BTRC: variants seen among roughly 807,000 people sequenced by gnomAD.
BTRC encodes the protein F-box/WD repeat-containing protein 1A.
A neutral mutation model predicts 85.5 loss-of-function variants in BTRC; 42 were observed. The ratio of observed to expected loss-of-function variants is 0.49; its 90% CI spans 0.38 to 0.64. The LOEUF is 0.64. BTRC is among the 30% of genes least tolerant of loss of function. The pLI is 0.00. For missense variants in BTRC, 594 were observed against 743.5 expected, an observed-to-expected ratio of 0.80 and a Z score of 2.34; for synonymous variants, 255 against 263.3, an observed-to-expected ratio of 0.97 and a Z score of 0.30.
intron 1 of BTRC, chr10:101,354,581 G>A (rs929175640): frequency 6.2e-6 from 2 of 322,170 alleles, no homozygotes; most frequent in Admixed American, 1.0e-4. Flanking sequence ...GAGGCCGCTG[G>A]CGGGGCCTTC....
chr10:101,397,592 G>A (rs866845864), intron 1 of BTRC, among the ~76,000 whole-genome samples: 1 of 152,134 alleles, frequency 6.6e-6, no homozygotes, highest in African/African-American at 2.4e-5. Context: ...TGTGAATAAT[G>A]ATTTTTTTGG....
intron 1 of BTRC, among the ~76,000 whole-genome samples, chr10:101,394,487 A>G (rs547008250): frequency 2.0e-5 from 3 of 152,298 alleles, no homozygotes; most frequent in South Asian, 2.1e-4. Context: ...ATTTTTGTCT[A>G]TTTAAAGACT....
intron 13 of BTRC, among the ~76,000 whole-genome samples, chr10:101,548,837 G>A (rs992013105): frequency 1.3e-5 from 2 of 151,772 alleles, no homozygotes; most frequent in African/African-American, 2.4e-5. Context: ...GGCAGATCAC[G>A]AGGTCAGGAG....
chr10:101,379,976 C>T (rs907626470), intron 1 of BTRC, among the ~76,000 whole-genome samples: 1 of 152,142 alleles, frequency 6.6e-6, no homozygotes, highest in Non-Finnish European at 1.5e-5. Flanking sequence ...CAAAGCTTTG[C>T]AAAGTGACAT....
At chr10:101,536,522 T>C (rs750719046) in intron 11 of BTRC, 21 bp from the exon 12 acceptor site, 12 of 1,562,210 alleles carry the variant, frequency 7.7e-6, no homozygotes, top group African/African-American at 1.4e-5. Context: ...AAAATTCACC[T>C]GACTTAATTT....
intron 3 of BTRC, among the ~76,000 whole-genome samples, chr10:101,475,951 A>ATATATT (rs1412943010): frequency 7.2e-6 from 1 of 139,644 alleles, no homozygotes; most frequent in East Asian, 2.0e-4. Context: ...ATATATATAT[A>ATATATT]TATTCAGTAA....
intron 5 of BTRC, 133 bp downstream of exon 5, chr10:101,522,003 T>G (rs2062113339): frequency 2.2e-6 from 1 of 453,000 alleles, no homozygotes; most frequent in Non-Finnish European, 3.8e-6. Context: ...CTGTACCTTT[T>G]TGATATAAAG....
intron 4 of BTRC, among the ~76,000 whole-genome samples, chr10:101,493,980 C>G (rs781516126): frequency 6.6e-6 from 1 of 152,148 alleles, no homozygotes; most frequent in Non-Finnish European, 1.5e-5. Context: ...CCCTGTCGGT[C>G]TTGTTCTAGT....
At chr10:101,448,154 G>C (rs903481052) in intron 2 of BTRC, among the ~76,000 whole-genome samples, 57 of 152,240 alleles carry the variant, frequency 3.7e-4, no homozygotes, top group African/African-American at 1.3e-3. Context: ...CCATTCTCTA[G>C]CATTCCAGTA....
At chr10:101,372,205 T>TC (rs1942655446) in intron 1 of BTRC, among the ~76,000 whole-genome samples, 1 of 151,880 alleles carries the variant, frequency 6.6e-6, no homozygotes, top group Admixed American at 6.6e-5. Flanking sequence ...AGCTTCCCCT[T>TC]CCCCCAAGAT....
chr10:101,407,974 G>A (rs1415159410), intron 1 of BTRC, among the ~76,000 whole-genome samples: 4 of 151,848 alleles, frequency 2.6e-5, no homozygotes, highest in East Asian at 1.9e-4. Context: ...TGCCCACCTC[G>A]GCCTCCCAAA....
chr10:101,455,690 T>G (rs1008515517), intron 2 of BTRC, among the ~76,000 whole-genome samples: 5 of 152,114 alleles, frequency 3.3e-5, no homozygotes, highest in African/African-American at 1.2e-4. Context: ...TTCCTTATTT[T>G]GGTGAATGAT....
rs535656002 is a variant in BTRC, at chr10:101,387,528, C to CTTTTTTTTTTTTTTTTTTTTT, written c.48+33318_48+33319insTTTTTTTTTTTTTTTTTTTTT. 8.3e-3 allele frequency among the ~76,000 whole-genome samples: 373 copies of CTTTTTTTTTTTTTTTTTTTTT among 45,050 alleles called. 103 individuals carry two copies. The highest frequency in any genetic ancestry group is 0.018 in the East Asian group (14 of 786). 29.6% of individuals were successfully genotyped at this position (45,050 alleles called of 152,430 possible). ...TGTGGCTTTTTATACCTTCATGGGA[C>CTTTTTTTTTTTTTTTTTTTTT]TTTTTTTTTTTTTTTTTTGAGATAG... On this transcript the variant is annotated intron_variant, in intron 1 of 14. Transcript: ENST00000370187.
At chr10:101,366,311 G>A (rs1003220677) in intron 1 of BTRC, among the ~76,000 whole-genome samples, 1 of 151,964 alleles carries the variant, frequency 6.6e-6, no homozygotes, top group South Asian at 2.1e-4. Flanking sequence ...TACATATAGG[G>A]GAAGACATTA....
At chr10:101,462,779 A>G (rs1275711849) in intron 3 of BTRC, among the ~76,000 whole-genome samples, 1 of 152,102 alleles carries the variant, frequency 6.6e-6, no homozygotes, top group East Asian at 1.9e-4. Context: ...TAAAAATTAG[A>G]ATGTCCTTGG....
intron 9 of BTRC, 46 bp downstream of exon 9, chr10:101,533,116 G>A: frequency 7.2e-7 from 1 of 1,382,868 alleles, no homozygotes; most frequent in Non-Finnish European, 1.0e-6. Context: ...TATCAGCTCT[G>A]CTCTGTTCTT....
chr10:101,534,800 C>G lies in BTRC; in HGVS notation c.1237C>G (p.Pro413Ala), dbSNP rs1336512807. The G allele has an allele frequency of 6.2e-7, 1 of 1,614,032 alleles. No homozygotes were observed. The highest frequency in any genetic ancestry group is 8.5e-7 in the Non-Finnish European group (1 of 1,180,038). Residue 413 changes from proline to alanine, a missense_variant, in exon 10 of 15, where the codon CCA (proline) becomes GCA (alanine). Pro to Ala is a conservative substitution (Grantham distance 27). Around this residue, in one of 4 missense-constraint regions of BTRC, gnomAD observed 373 missense variants for 503.6 expected, o/e 0.74. Coordinates refer to ENST00000370187, the MANE Select transcript of BTRC (RefSeq NM_033637.4). Reference protein sequence around the residue: ...RSIAVWDMASPTDITLRRVLV... With the variant: ...RSIAVWDMASATDITLRRVLV... The stretch of plus-strand genomic sequence containing the variant: ...CATTGCTGTATGGGATATGGCCTCC[C>G]CAACTGACATTACCCTCCGGAGGGT...
chr10:101,488,837 A>G (rs931158749), intron 4 of BTRC, among the ~76,000 whole-genome samples: 30 of 152,182 alleles, frequency 2.0e-4, no homozygotes, highest in African/African-American at 6.5e-4. Flanking sequence ...AATTGGTAGG[A>G]AAGAGCCTAA....
intron 1 of BTRC, among the ~76,000 whole-genome samples, chr10:101,378,707 T>C (rs1356494505): frequency 6.6e-6 from 1 of 151,920 alleles, no homozygotes; most frequent in African/African-American, 2.4e-5. Context: ...GTATTTTTAG[T>C]GGAGATGGGG....
Sources: allele counts gnomAD v4.1 joint callset (sites outside exome capture counted in the v4.1 genomes callset), GRCh38; gene constraint gnomAD v4.1.1; regional missense constraint gnomAD v4.1.1; transcripts MANE v1.5; gene names NCBI Gene and HGNC (gene_info 2026-07-23, HGNC 2026-07-21).